The following FBXO3 variants were observed in gnomAD, a reference collection of about 807,000 sequenced individuals.
The protein encoded by FBXO3 is F-box protein 3.
In FBXO3, 17 loss-of-function variants were observed where a neutral mutation model predicts 64.8. That is an observed-to-expected ratio of 0.26 (90% CI 0.18 to 0.39). FBXO3 has a LOEUF of 0.39. Ranked by LOEUF, FBXO3 falls within the 10% of genes least tolerant of loss-of-function variation. The probability of loss-of-function intolerance (pLI) is 1.00; values close to 1 mark genes in which losing one functional copy is unlikely to be tolerated. For synonymous variants in FBXO3, 182 were observed against 201.6 expected, an observed-to-expected ratio of 0.90 and a Z score of 0.82; for missense variants, 420 against 589.9, an observed-to-expected ratio of 0.71 and a Z score of 2.98.
chr11:33,751,088 A>C (rs1211129882), intron 7 of FBXO3, among the ~76,000 whole-genome samples: 1 of 152,198 alleles, frequency 6.6e-6, no homozygotes, highest in Non-Finnish European at 1.5e-5. Context: ...ATTTCTGCCA[A>C]CCAGGCTATT....
chr11:33,749,057 T>C (rs750371817), intron 8 of FBXO3, among the ~76,000 whole-genome samples, 165 bp from the exon 9 acceptor site: 8 of 152,222 alleles, frequency 5.3e-5, no homozygotes, highest in Non-Finnish European at 1.2e-4. Flanking sequence ...TTCTCAAAGA[T>C]ACTGGCTTCA....
chr11:33,749,871 A>G (rs75006694), intron 8 of FBXO3, among the ~76,000 whole-genome samples: 203 of 152,342 alleles, frequency 1.3e-3, no homozygotes, highest in African/African-American at 4.6e-3. Flanking sequence ...AAGGTTGCAT[A>G]CAGTATCTAA....
chr11:33,773,753 T>TA (rs1205768926), intron 1 of FBXO3: 1 of 152,340 alleles, frequency 6.6e-6, no homozygotes, highest in African/African-American at 2.4e-5. Flanking sequence ...GGAGAAAAGA[T>TA]AGTCACCGGT....
At chr11:33,746,920 T>TA (rs1854826382) in intron 10 of FBXO3, 25 of 1,428,492 alleles carry the variant, frequency 1.8e-5, no homozygotes, top group Non-Finnish European at 2.2e-5. Context: ...GTTGAATCTT[T>TA]AAAACAGCAG....
At chr11:33,767,251 C>T (rs1023867780) in intron 3 of FBXO3, among the ~76,000 whole-genome samples, 1 of 152,118 alleles carries the variant, frequency 6.6e-6, no homozygotes, top group African/African-American at 2.4e-5. Flanking sequence ...TATCCAAATC[C>T]TGGTTTTGCC....
chr11:33,749,634 G>A (rs543385234), intron 8 of FBXO3, among the ~76,000 whole-genome samples: 5 of 152,286 alleles, frequency 3.3e-5, no homozygotes, highest in African/African-American at 9.6e-5. Flanking sequence ...AAAGTGCTGC[G>A]ATTATAGGCG....
intron 3 of FBXO3, among the ~76,000 whole-genome samples, chr11:33,762,109 C>G (rs1855257405): frequency 6.6e-6 from 1 of 152,128 alleles, no homozygotes; most frequent in African/African-American, 2.4e-5. Flanking sequence ...ACAGTACCAC[C>G]TACACTCAAG....
intron 3 of FBXO3, among the ~76,000 whole-genome samples, chr11:33,762,378 T>G (rs532070399): frequency 6.6e-6 from 1 of 152,084 alleles, no homozygotes; most frequent in Non-Finnish European, 1.5e-5. Flanking sequence ...CTGACCAAAA[T>G]AGATCACATA....
At chr11:33,749,386 G>T (rs1318947786) in intron 8 of FBXO3, among the ~76,000 whole-genome samples, 2 of 149,056 alleles carry the variant, frequency 1.3e-5, no homozygotes, top group Non-Finnish European at 3.0e-5. Flanking sequence ...TTGAGACAGG[G>T]TCTCACTCTG....
chr11:33,750,952 G>A (rs575899177), intron 7 of FBXO3, among the ~76,000 whole-genome samples: 1 of 152,226 alleles, frequency 6.6e-6, no homozygotes, highest in African/African-American at 2.4e-5. Context: ...AGTTTCCAGG[G>A]CTAAGGAAAC....
At chr11:33,768,768 G>T in intron 3 of FBXO3, 83 bp downstream of exon 3, 1 of 1,502,628 alleles carries the variant, frequency 6.7e-7, no homozygotes, top group Non-Finnish European at 9.3e-7. Context: ...TTGCGTAGAT[G>T]ACAGAGATTC....
chr11:33,756,059 C>A, intron 4 of FBXO3, 84 bp from the exon 5 acceptor site: 1 of 1,088,518 alleles, frequency 9.2e-7, no homozygotes, highest in Non-Finnish European at 1.4e-6. Flanking sequence ...AATAATTTCC[C>A]ACTCACAACT....
intron 3 of FBXO3, among the ~76,000 whole-genome samples, chr11:33,767,290 T>G (rs956900360): frequency 5.4e-5 from 8 of 149,182 alleles, no homozygotes; most frequent in South Asian, 2.1e-4. Flanking sequence ...AACAACTTAG[T>G]TTTTTTTTTG....
At position 33,755,992 on chromosome 11, in the gene FBXO3, C is replaced by T. The variant is rs1404299186; in HGVS notation, c.474-17G>A. The T allele has an allele frequency of 6.2e-7, 1 of 1,608,162 alleles. No individual in the cohort carries two copies. Among genetic ancestry groups the T allele is most frequent in the Non-Finnish European group, 8.5e-7 (1 of 1,175,134 alleles). ...CCCAATAACCTGAGGAGCATACAGACTCAAACATGTAATACACGGCAGTGC... is the reference window on the plus strand; with the variant it reads ...CCCAATAACCTGAGGAGCATACAGATTCAAACATGTAATACACGGCAGTGC... On this transcript the variant is annotated splice_polypyrimidine_tract_variant and intron_variant, in intron 4 of 10. Transcript: ENST00000265651.
chr11:33,757,553 A>G (rs1366910003), intron 4 of FBXO3, among the ~76,000 whole-genome samples: 1 of 142,322 alleles, frequency 7.0e-6, no homozygotes, highest in Non-Finnish European at 1.5e-5. Context: ...GCACAGTGGT[A>G]TATGCTTGTA....
chr11:33,747,626 C>G (rs527644025), intron 9 of FBXO3, among the ~76,000 whole-genome samples: 4 of 152,024 alleles, frequency 2.6e-5, no homozygotes, highest in African/African-American at 9.6e-5. Context: ...ATTCTCCCAC[C>G]TCAGCCTCCT....
intron 9 of FBXO3, 37 bp downstream of exon 9, chr11:33,748,740 G>A: frequency 7.7e-7 from 1 of 1,292,726 alleles, no homozygotes; most frequent in Non-Finnish European, 1.1e-6. Context: ...TTTCTTCTAA[G>A]GAATTAATGT....
intron 1 of FBXO3, chr11:33,773,056 T>C (rs1362826346): frequency 6.6e-6 from 1 of 150,932 alleles, no homozygotes; most frequent in African/African-American, 2.4e-5. Context: ...TTGGTTAGAA[T>C]GGATGGTGCA....
At chr11:33,773,109 T>C (rs1313670669) in intron 1 of FBXO3, 1 of 152,110 alleles carries the variant, frequency 6.6e-6, no homozygotes, top group African/African-American at 2.4e-5. Context: ...GGACCTTAGA[T>C]ATACAAGCCA....
Sources: gnomAD v4.1 joint callset for allele counts (sites outside exome capture counted in the v4.1 genomes callset) on GRCh38, gnomAD v4.1.1 for gene constraint, MANE v1.5 for transcripts, NCBI Gene and HGNC (gene_info 2026-07-23, HGNC 2026-07-21) for gene names.